The following SPMIP1 variants were observed in gnomAD, a reference collection of about 807,000 sequenced individuals.
SPMIP1 encodes protein SPMIP1.
the SPMIP1 span, chr7:128,866,396 C>T: frequency 2.7e-6 from 4 of 1,505,372 alleles, no homozygotes; most frequent in Non-Finnish European, 3.5e-6. Context: ...GGTGCCACTC[C>T]TTCCCTGGCC....
the SPMIP1 span, chr7:128,866,541 G>A: frequency 6.5e-7 from 1 of 1,535,938 alleles, no homozygotes; most frequent in Admixed American, 2.0e-5. Context: ...AGAAGGCTAA[G>A]GCTGCAGCCC....
At chr7:128,866,598 A>ACCCCC in the SPMIP1 span, 1 of 1,431,940 alleles carries the variant, frequency 7.0e-7, no homozygotes. Flanking sequence ...CCCCACTCTC[A>ACCCCC]CCCCCACCCG....
chr7:128,866,560 C>T, the SPMIP1 span: 6 of 1,535,938 alleles, frequency 3.9e-6, no homozygotes, highest in Non-Finnish European at 4.4e-6. Context: ...CCGCCTGCCC[C>T]TCAAACTGCC....
At chr7:128,868,642 T>C in the SPMIP1 span, 3 of 1,484,508 alleles carry the variant, frequency 2.0e-6, no homozygotes, top group Non-Finnish European at 2.7e-6. Flanking sequence ...GAACCCATGC[T>C]TGGCCTCTGA....
chr7:128,869,027 G>C, the SPMIP1 span: 1 of 427,660 alleles, frequency 2.3e-6, no homozygotes, highest in Non-Finnish European at 4.2e-6. Context: ...TCGCAGGCAC[G>C]GGATCCTCAG....
At chr7:128,867,077 T>A in the SPMIP1 span, among the ~76,000 whole-genome samples, 497 of 152,110 alleles carry the variant, frequency 3.3e-3, 8 homozygotes, top group African/African-American at 0.011. Flanking sequence ...TAAGGATGGG[T>A]TTGGATTTTA....
the SPMIP1 span, chr7:128,869,270 G>C: frequency 5.7e-6 from 1 of 176,800 alleles, no homozygotes; most frequent in African/African-American, 2.4e-5. Flanking sequence ...GGTGCGGAGC[G>C]CTGAGCGTCC....
chr7:128,866,716 A>G, the SPMIP1 span: 1 of 1,535,698 alleles, frequency 6.5e-7, no homozygotes, highest in Non-Finnish European at 8.7e-7. Context: ...GTATGAAGGC[A>G]TCTCCCACGA....
At chr7:128,866,440 C>G in the SPMIP1 span, 2 of 1,534,088 alleles carry the variant, frequency 1.3e-6, no homozygotes, top group Non-Finnish European at 1.7e-6. Flanking sequence ...AGACGCGTTA[C>G]GGCAGAACTT....
chr7:128,867,987 GT>G, the SPMIP1 span, among the ~76,000 whole-genome samples: 1 of 152,338 alleles, frequency 6.6e-6, no homozygotes, highest in African/African-American at 2.4e-5. Flanking sequence ...CAGGAAGCCT[GT>G]CCATCTCGGC....
the SPMIP1 span, chr7:128,871,888 AATGTT>A: frequency 7.2e-5 from 11 of 152,358 alleles, no homozygotes; most frequent in Non-Finnish European, 1.3e-4. Context: ...CTCTGGTAAT[AATGTT>A]ATAATTGATA....
At chr7:128,866,436 G>A in the SPMIP1 span, 196 of 1,533,824 alleles carry the variant, frequency 1.3e-4, 2 homozygotes, top group East Asian at 4.2e-3. Flanking sequence ...ACATAGACGC[G>A]TTACGGCAGA....
the SPMIP1 span, among the ~76,000 whole-genome samples, chr7:128,868,229 G>A: frequency 6.6e-6 from 1 of 152,234 alleles, no homozygotes; most frequent in Admixed American, 6.5e-5. Context: ...CAGAAAAGGT[G>A]GATGGTTGGG....
At chr7:128,866,696 G>A in the SPMIP1 span, 10 of 1,423,916 alleles carry the variant, frequency 7.0e-6, no homozygotes, top group African/African-American at 6.0e-5. Flanking sequence ...CCTATCACCC[G>A]AGCCCTGCTG....
the SPMIP1 span, among the ~76,000 whole-genome samples, chr7:128,868,243 T>G: frequency 6.6e-6 from 1 of 152,252 alleles, no homozygotes; most frequent in Non-Finnish European, 1.5e-5. Flanking sequence ...GGTTGGGGAT[T>G]GACTCAGTTG....
chr7:128,868,598 CAG>C, the SPMIP1 span: 1 of 985,328 alleles, frequency 1.0e-6, no homozygotes. Flanking sequence ...TGCAGACAGA[CAG>C]GGCTCCCATG....
At chr7:128,869,906 C>T in the SPMIP1 span, 1 of 150,600 alleles carries the variant, frequency 6.6e-6, no homozygotes, top group African/African-American at 2.5e-5. Flanking sequence ...GATCGCGCTC[C>T]AGGCCTGGGG....
chr7:128,866,671 A>G, the SPMIP1 span: 5 of 1,535,674 alleles, frequency 3.3e-6, no homozygotes, highest in Non-Finnish European at 3.5e-6. Flanking sequence ...TCAGTCGGAA[A>G]TGTACCCGGT....
the SPMIP1 span, chr7:128,870,222 T>C: frequency 6.6e-6 from 1 of 152,430 alleles, no homozygotes; most frequent in Non-Finnish European, 1.5e-5. Flanking sequence ...CTCGGATGGC[T>C]ATGGGGGTCG....
Sources: gnomAD v4.1 joint callset for allele counts (sites outside exome capture counted in the v4.1 genomes callset) on GRCh38, gnomAD v4.1.1 for gene constraint, MANE v1.5 for transcripts, NCBI Gene and HGNC (gene_info 2026-07-23, HGNC 2026-07-21) for gene names.